Variants in SEMA3C observed in about 807,000 individuals in gnomAD.
SEMA3C encodes the protein semaphorin 3C, also known as semaphorin-3C.
In SEMA3C, 47 loss-of-function variants were observed where a neutral mutation model predicts 89.4. The observed-to-expected ratio is 0.53, with a 90% CI of 0.42 to 0.67. The LOEUF (loss-of-function observed/expected upper bound fraction) is 0.67, where lower values mean the gene tolerates loss of function less well. Ranked by LOEUF, SEMA3C falls within the 30% of genes least tolerant of loss-of-function variation. The pLI is 0.00. For synonymous variants in SEMA3C, 310 were observed against 320.2 expected (o/e 0.97, Z 0.34); for missense variants, 839 against 929.1 (o/e 0.90, Z 1.26).
intron 14 of SEMA3C, among the ~76,000 whole-genome samples, chr7:80,759,344 T>C (rs1788134964): frequency 6.6e-6 from 1 of 152,148 alleles, no homozygotes; most frequent in South Asian, 2.1e-4. Context: ...CATGTACAGA[T>C]ACACACACAT....
intron 2 of SEMA3C, among the ~76,000 whole-genome samples, chr7:80,862,447 C>G (rs13229958): frequency 1.3e-5 from 2 of 152,068 alleles, no homozygotes; most frequent in Non-Finnish European, 2.9e-5. Context: ...ACAGACAACA[C>G]CAACAAATGG....
intron 3 of SEMA3C, 106 bp downstream of exon 3, chr7:80,828,479 T>G: frequency 1.1e-6 from 1 of 910,714 alleles, no homozygotes; most frequent in South Asian, 2.3e-5. Context: ...GGACCAGTAT[T>G]TTCTATTGTT....
At chr7:80,905,858 C>T in intron 2 of SEMA3C, 1 of 1,289,722 alleles carries the variant, frequency 7.8e-7, no homozygotes. Context: ...GGACCAAATT[C>T]ACGCCACACT....
intron 2 of SEMA3C, among the ~76,000 whole-genome samples, chr7:80,881,205 ACACACT>A (rs1197331422): frequency 4.2e-5 from 6 of 144,068 alleles, no homozygotes; most frequent in East Asian, 2.1e-4. Flanking sequence ...ACACACACAC[ACACACT>A]CTCTCTCATG....
intron 2 of SEMA3C, among the ~76,000 whole-genome samples, chr7:80,862,472 C>T (rs1790795737): frequency 6.6e-6 from 1 of 152,172 alleles, no homozygotes; most frequent in African/African-American, 2.4e-5. Flanking sequence ...ACATCCCATG[C>T]TCATGGATGG....
intron 12 of SEMA3C, 43 bp from the exon 13 acceptor site, chr7:80,765,286 A>T: frequency 7.0e-7 from 1 of 1,429,182 alleles, no homozygotes; most frequent in Non-Finnish European, 9.8e-7. Context: ...AATACTTTTT[A>T]AAAGAAAGCT....
intron 12 of SEMA3C, among the ~76,000 whole-genome samples, chr7:80,771,211 T>C (rs989396746): frequency 7.9e-5 from 12 of 152,332 alleles, no homozygotes; most frequent in Middle Eastern, 3.4e-3. Flanking sequence ...GCTCCATCGC[T>C]GAGTACACTT....
chr7:80,876,012 T>C (rs758178589), intron 2 of SEMA3C, among the ~76,000 whole-genome samples: 1 of 152,124 alleles, frequency 6.6e-6, no homozygotes, highest in Non-Finnish European at 1.5e-5. Flanking sequence ...CCGTGCATGA[T>C]AACTACTTAG....
intron 12 of SEMA3C, among the ~76,000 whole-genome samples, chr7:80,773,586 T>A (rs1788481636): frequency 6.6e-6 from 1 of 152,178 alleles, no homozygotes; most frequent in Admixed American, 6.5e-5. Context: ...CACAAGCTAA[T>A]ATTCATGATC....
intron 2 of SEMA3C, among the ~76,000 whole-genome samples, chr7:80,879,399 G>A (rs1026244059): frequency 6.6e-6 from 1 of 152,164 alleles, no homozygotes; most frequent in Admixed American, 6.5e-5. Context: ...AAAGGGGCAT[G>A]TGATTCTTTT....
At chr7:80,907,386 G>A (rs1562980357) in intron 2 of SEMA3C, among the ~76,000 whole-genome samples, 1 of 151,862 alleles carries the variant, frequency 6.6e-6, no homozygotes, top group Non-Finnish European at 1.5e-5. Context: ...AATTCAAAAT[G>A]CTCTTTTGGT....
In SEMA3C at chr7:80,892,553, A is replaced by C. The variant is rs181940328; in HGVS notation, c.103+24126T>G. Among the ~76,000 whole-genome samples, 195 of 152,214 alleles carry C rather than the reference A, an allele frequency of 1.3e-3. 1 individual carries two copies. Among genetic ancestry groups the C allele is most frequent in the East Asian group, 8.1e-3 (42 of 5,176 alleles). ...TTTGAAACCAAAAGAAAATTTAAAA[A>C]AACAACAACAACAACAATGTAGAGT... On this transcript the variant is annotated intron_variant, in intron 2 of 17. Transcript: ENST00000265361.
rs1267529951 is a variant in SEMA3C, at chr7:80,849,455, C to T, written c.104-20710G>A. On this transcript the variant is annotated intron_variant, in intron 2 of 17. Transcript: ENST00000265361. ...AACTATAAGTTTCTTTTATCATTATCTCTATTTCATGCATACAAATGTATA... is the reference window on the plus strand; with the variant it reads ...AACTATAAGTTTCTTTTATCATTATTTCTATTTCATGCATACAAATGTATA... Among the ~76,000 whole-genome samples, 321 of 151,776 alleles carry T rather than the reference C, an allele frequency of 2.1e-3. 3 individuals carry two copies. In the East Asian group the frequency reaches 0.023, roughly 11 times the overall value.
In SEMA3C at chr7:80,748,985, A is replaced by G; in HGVS notation, c.1755T>C (p.Asn585=). Reference sequence around the variant, plus strand: ...GGGCACACTCCAGAAAAGTGGTGTTATTTTTTACTCCATACTGGACAATTT... The same window carrying G: ...GGGCACACTCCAGAAAAGTGGTGTTGTTTTTTACTCCATACTGGACAATTT... ...AAEIVQYGVK[N]NTTFLECAPK... Residue 585 remains asparagine, a synonymous_variant, in exon 17 of 18, where the codon AAT becomes AAC. Coordinates refer to ENST00000265361, the MANE Select transcript of SEMA3C (RefSeq NM_006379.5). The G allele has an allele frequency of 6.2e-7, 1 of 1,613,234 alleles. No individual in the cohort carries two copies. Among genetic ancestry groups the G allele is most frequent in the Non-Finnish European group, 8.5e-7 (1 of 1,179,544 alleles).
intron 2 of SEMA3C, among the ~76,000 whole-genome samples, chr7:80,863,933 C>A (rs899224966): frequency 8.1e-6 from 1 of 124,038 alleles, no homozygotes; most frequent in African/African-American, 3.7e-5. Flanking sequence ...TCATATATAT[C>A]ACATATATAA....
In SEMA3C at chr7:80,916,688, T is replaced by C. The variant is rs760254428; in HGVS notation, c.94A>G (p.Thr32Ala). 5.0e-6 allele frequency: 8 copies of C among 1,610,426 alleles called. No homozygotes were observed. Among genetic ancestry groups the C allele is most frequent in the Non-Finnish European group, 6.8e-6 (8 of 1,178,938 alleles). The change falls in exon 2 of 18, where the codon ACA becomes GCA. Residue 32 changes from threonine (T) to alanine (A), a missense_variant. By Grantham distance (58) the Thr-to-Ala change is moderately conservative (BLOSUM62 0). Coordinates refer to ENST00000265361, the MANE Select transcript of SEMA3C (RefSeq NM_006379.5). ...TTATCAACTCTCTTACCATCAAATG[T>C]TAAATAAACTCTTGCTTGGGGCTGG... is the stretch of plus-strand genomic sequence containing the variant. ...SSQPQARVYLTFDELRETKTS... is the reference protein window; with the variant it reads ...SSQPQARVYLAFDELRETKTS...
At chr7:80,919,131 C>T, upstream of SEMA3C, 3 of 984,710 alleles carry the variant, frequency 3.0e-6, no homozygotes, top group South Asian at 9.4e-5. Flanking sequence ...TCCGGCTGCC[C>T]CGGCGCGCCG....
At chr7:80,756,286 T>C (rs1016789742) in intron 15 of SEMA3C, among the ~76,000 whole-genome samples, 5 of 152,266 alleles carry the variant, frequency 3.3e-5, no homozygotes, top group African/African-American at 9.6e-5. Context: ...CACATCCAAA[T>C]ATATCAATAG....
chr7:80,899,163 C>T (rs1791813406), intron 2 of SEMA3C, among the ~76,000 whole-genome samples: 1 of 152,300 alleles, frequency 6.6e-6, no homozygotes, highest in Non-Finnish European at 1.5e-5. Context: ...GCCTCAGCCT[C>T]CTGAGTAGCT....
Sources: allele counts gnomAD v4.1 joint callset (sites outside exome capture counted in the v4.1 genomes callset), GRCh38; gene constraint gnomAD v4.1.1; transcripts MANE v1.5; gene names NCBI Gene and HGNC (gene_info 2026-07-23, HGNC 2026-07-21).